DNAH14: variants seen among roughly 807,000 people sequenced by gnomAD.
DNAH14 encodes dynein axonemal heavy chain 14.
A neutral mutation model predicts 520.9 loss-of-function variants in DNAH14; 478 were observed. That is an observed-to-expected ratio of 0.92 (90% CI 0.85 to 0.99). The LOEUF (loss-of-function observed/expected upper bound fraction) is 0.99, where lower values mean the gene tolerates loss of function less well. Ranked by LOEUF, DNAH14 falls within the 50% of genes least tolerant of loss-of-function variation. DNAH14 has a pLI of 0.00. For synonymous variants in DNAH14, 1,581 were observed against 1,757.2 expected, an observed-to-expected ratio of 0.90 and a Z score of 2.51; for missense variants, 4,831 against 5,234.5, an observed-to-expected ratio of 0.92 and a Z score of 2.38.
chr1:225,361,031 T>A, intron 75 of DNAH14, 140 bp downstream of exon 75: 1 of 778,936 alleles, frequency 1.3e-6, no homozygotes, highest in Non-Finnish European at 2.0e-6. Context: ...TAACCTATCT[T>A]ATATTGGTTT....
In DNAH14 at chr1:225,303,277, G is replaced by A. The variant is rs1410273209; in HGVS notation, c.8753G>A (p.Trp2918Ter). Reference protein sequence around the residue: ...SSCTIDWYERWPEEALLIVAN... With the variant: ...SSCTIDWYER ...TGCACGATCGATTGGTATGAGAGGT[G>A]GCCAGAAGAAGCTCTCCTTATTGTA... Residue 2918 changes from tryptophan (W) to a stop codon, truncating the protein, a stop_gained, in exon 57 of 86, where the codon TGG becomes TAG. Coordinates refer to ENST00000682510, the MANE Select transcript of DNAH14 (RefSeq NM_001367479.1). LOFTEE classifies it high-confidence loss of function. The A allele has an allele frequency of 1.3e-6, 2 of 1,551,256 alleles. No homozygotes were observed. The highest frequency in any genetic ancestry group is 1.7e-6 in the Non-Finnish European group (2 of 1,146,822).
In DNAH14 at chr1:225,374,163, A is replaced by AG. The variant is rs1393680059; in HGVS notation, c.12319-525_12319-524insG. Reference sequence around the variant, plus strand: ...TGTCTTACTATATATATATATATATATATATATATATATATATATACTATT... The same window carrying AG: ...TGTCTTACTATATATATATATATATAGTATATATATATATATATATACTATT... On this transcript the variant is annotated intron_variant, in intron 77 of 85. Transcript: ENST00000682510. Among the ~76,000 whole-genome samples the AG allele has an allele frequency of 2.7e-5, 2 of 74,490 alleles. 1 individual carries two copies. Among genetic ancestry groups the AG allele is most frequent in the Admixed American group, 2.8e-4 (2 of 7,114 alleles). The allele number at this position is 74,490 out of a possible 152,430, so 48.9% of individuals were successfully genotyped here. A position where few individuals can be genotyped will look rare whatever the true frequency, so the allele number is the denominator to read the frequency against.
chr1:225,038,763 A>G lies in DNAH14; in HGVS notation c.1428A>G (p.Ser476=). The G allele has an allele frequency of 2.6e-6, 4 of 1,536,992 alleles. No individual in the cohort carries two copies. In the South Asian group the frequency reaches 5.0e-5, roughly 19 times the overall value. ...TNDCEELVDN[S]KLHAISVQKS... ...ATTGTGAAGAACTTGTTGATAATTC[A>G]AAGTTACATGCTATTTCTGTTCAAA... The change falls in exon 12 of 86, where the codon TCA becomes TCG. Residue 476 remains serine, a synonymous_variant. Coordinates refer to ENST00000682510, the MANE Select transcript of DNAH14 (RefSeq NM_001367479.1).
chr1:225,150,171 A>G (rs150109928), intron 31 of DNAH14, among the ~76,000 whole-genome samples: 161 of 152,104 alleles, frequency 1.1e-3, no homozygotes, highest in African/African-American at 3.7e-3. Flanking sequence ...TTTTGTCTTT[A>G]GTTTTGTTTA....
chr1:225,341,850 G>A (rs2095188830), intron 69 of DNAH14, among the ~76,000 whole-genome samples: 1 of 152,086 alleles, frequency 6.6e-6, no homozygotes, highest in Non-Finnish European at 1.5e-5. Context: ...TCTAACAATG[G>A]ACTGCCTTTC....
chr1:224,966,137 A>G (rs941490299), intron 5 of DNAH14, among the ~76,000 whole-genome samples: 1 of 152,152 alleles, frequency 6.6e-6, no homozygotes, highest in African/African-American at 2.4e-5. Flanking sequence ...ACAAGTCATC[A>G]TTTAGAGCTC....
chr1:225,335,831 A>G lies in DNAH14; in HGVS notation c.10081-1435A>G, dbSNP rs543510686. Reference sequence around the variant, plus strand: ...TACATATATGTACATACACATATGTACATATATGTACATACACATATGTAC... The same window carrying G: ...TACATATATGTACATACACATATGTGCATATATGTACATACACATATGTAC... On this transcript the variant is annotated intron_variant, in intron 66 of 85. Transcript: ENST00000682510. 4.5e-3 allele frequency among the ~76,000 whole-genome samples: 451 copies of G among 100,112 alleles called. 2 individuals are homozygous for G. The highest frequency in any genetic ancestry group is 7.2e-3 in the Non-Finnish European group (352 of 48,620). The allele number at this position is 100,112 out of a possible 152,430, so 65.7% of individuals were successfully genotyped here.
chr1:225,392,100 G>C (rs2095923439), intron 83 of DNAH14, among the ~76,000 whole-genome samples, 191 bp from the exon 84 acceptor site: 1 of 152,146 alleles, frequency 6.6e-6, no homozygotes, highest in African/African-American at 2.4e-5. Flanking sequence ...TCCTGCAGCT[G>C]GCCAGACCAA....
intron 69 of DNAH14, among the ~76,000 whole-genome samples, chr1:225,342,922 G>GGCTA (rs1418010488): frequency 5.9e-5 from 9 of 151,276 alleles, no homozygotes; most frequent in African/African-American, 1.9e-4. Flanking sequence ...GCTACTAGGT[G>GGCTA]GTAGCCCATT....
At chr1:225,104,849 T>A (rs2075874055) in intron 23 of DNAH14, among the ~76,000 whole-genome samples, 1 of 152,188 alleles carries the variant, frequency 6.6e-6, no homozygotes, top group African/African-American at 2.4e-5. Context: ...CCTAGATTCA[T>A]TGATTTTTTG....
chr1:224,942,061 T>G (rs2059456220), intron 1 of DNAH14, among the ~76,000 whole-genome samples: 1 of 152,228 alleles, frequency 6.6e-6, no homozygotes. Context: ...ATTGGTAGCT[T>G]GATGGGGATG....
At chr1:225,280,642 G>C (rs1451121436) in intron 54 of DNAH14, among the ~76,000 whole-genome samples, 1 of 151,194 alleles carries the variant, frequency 6.6e-6, no homozygotes, top group African/African-American at 2.4e-5. Flanking sequence ...CACAGCTCAA[G>C]AAAGTCTAAG....
At chr1:225,057,064 T>A (rs1457336238) in intron 17 of DNAH14, among the ~76,000 whole-genome samples, 2 of 152,254 alleles carry the variant, frequency 1.3e-5, no homozygotes, top group African/African-American at 2.4e-5. Context: ...TCCAATTCTG[T>A]GAAGAAAGTC....
chr1:225,164,138 A>G (rs6426049), intron 35 of DNAH14, among the ~76,000 whole-genome samples: 16,971 of 152,122 alleles, frequency 0.11, 1,478 homozygotes, highest in East Asian at 0.23. Context: ...GATTTTAACT[A>G]AATCACTGAG....
At chr1:225,393,986 T>C (rs946938040) in intron 84 of DNAH14, among the ~76,000 whole-genome samples, 2 of 151,916 alleles carry the variant, frequency 1.3e-5, no homozygotes, top group Non-Finnish European at 2.9e-5. Context: ...ACCCGGCTAA[T>C]ATTTTTTGTA....
chr1:225,023,357 C>G (rs988520130), intron 10 of DNAH14, among the ~76,000 whole-genome samples: 1 of 150,096 alleles, frequency 6.7e-6, no homozygotes, highest in African/African-American at 2.5e-5. Context: ...TGGTTAGTCT[C>G]CTCTGTCTTT....
At chr1:224,941,940 C>T (rs568800559) in intron 1 of DNAH14, among the ~76,000 whole-genome samples, 10 of 152,204 alleles carry the variant, frequency 6.6e-5, no homozygotes, top group African/African-American at 1.2e-4. Flanking sequence ...AGTCAGGTAG[C>T]GTGATGCCTC....
intron 72 of DNAH14, among the ~76,000 whole-genome samples, chr1:225,352,775 T>C (rs1041978448): frequency 1.2e-4 from 19 of 152,102 alleles, no homozygotes; most frequent in South Asian, 1.0e-3. Flanking sequence ...GTACCTATGC[T>C]ATATGCGTTT....
chr1:225,228,939 A>G (rs2090823959), intron 41 of DNAH14, among the ~76,000 whole-genome samples: 1 of 152,134 alleles, frequency 6.6e-6, no homozygotes, highest in African/African-American at 2.4e-5. Flanking sequence ...CGTAGATACA[A>G]AGGAATGTAG....
Sources: allele counts gnomAD v4.1 joint callset (sites outside exome capture counted in the v4.1 genomes callset), GRCh38; gene constraint gnomAD v4.1.1; transcripts MANE v1.5; gene names NCBI Gene and HGNC (gene_info 2026-07-23, HGNC 2026-07-21).